Variants in ASIC2 observed in about 807,000 individuals in gnomAD.
The protein encoded by ASIC2 is acid sensing ion channel subunit 2.
In ASIC2, 25 loss-of-function variants were observed where a neutral mutation model predicts 57.3. That is an observed-to-expected ratio of 0.44 (90% CI 0.32 to 0.61). The LOEUF is 0.61. Among genes scored for constraint, ASIC2 ranks in the 20% least tolerant of loss-of-function variants. The probability of loss-of-function intolerance (pLI) is 0.06; values close to 1 mark genes in which losing one functional copy is unlikely to be tolerated. For missense variants in ASIC2, 641 were observed against 738.1 expected (o/e 0.87, Z 1.52); for synonymous variants, 319 against 307.5 (o/e 1.04, Z -0.39).
intron 1 of ASIC2, among the ~76,000 whole-genome samples, chr17:34,126,546 C>G (rs563241963): frequency 6.6e-6 from 1 of 152,282 alleles, no homozygotes; most frequent in South Asian, 2.1e-4. Context: ...GAGAGATGTT[C>G]CCTCTTCTCC....
At chr17:34,027,550 C>A (rs1405221714) in intron 1 of ASIC2, among the ~76,000 whole-genome samples, 1 of 152,198 alleles carries the variant, frequency 6.6e-6, no homozygotes, top group Admixed American at 6.5e-5. Flanking sequence ...TCTCTAGAGG[C>A]CCTAAGAAGT....
At chr17:33,462,120 C>T (rs901339125) in intron 1 of ASIC2, among the ~76,000 whole-genome samples, 5 of 152,164 alleles carry the variant, frequency 3.3e-5, no homozygotes, top group Admixed American at 2.0e-4. Context: ...AGAAGAGGGG[C>T]CAGGCTTTGG....
chr17:33,456,980 G>C (rs1393544090), intron 1 of ASIC2, among the ~76,000 whole-genome samples: 2 of 152,172 alleles, frequency 1.3e-5, no homozygotes, highest in African/African-American at 4.8e-5. Flanking sequence ...GTCAGAAGAG[G>C]ATGGGCTTCA....
At chr17:33,845,106 C>A (rs1444258515) in intron 1 of ASIC2, among the ~76,000 whole-genome samples, 2 of 152,118 alleles carry the variant, frequency 1.3e-5, no homozygotes, top group African/African-American at 4.8e-5. Flanking sequence ...CATAAAGTAC[C>A]TAGGGTTTTA....
At chr17:34,134,131 G>T (rs1426700873) in intron 1 of ASIC2, among the ~76,000 whole-genome samples, 1 of 152,156 alleles carries the variant, frequency 6.6e-6, no homozygotes. Context: ...ATCTGTAATG[G>T]TTAATGCCCC....
At chr17:33,977,357 G>C (rs1038996914) in intron 1 of ASIC2, among the ~76,000 whole-genome samples, 2 of 152,198 alleles carry the variant, frequency 1.3e-5, no homozygotes, top group African/African-American at 4.8e-5. Context: ...GGGCACCTCT[G>C]CCTGCATCGT....
intron 1 of ASIC2, among the ~76,000 whole-genome samples, chr17:33,479,952 G>T (rs1361806460): frequency 1.3e-5 from 2 of 152,074 alleles, no homozygotes; most frequent in African/African-American, 2.4e-5. Flanking sequence ...AATAATAGGG[G>T]TGATCCCCTG....
At chr17:33,237,568 T>A (rs1269032573) in intron 1 of ASIC2, among the ~76,000 whole-genome samples, 1 of 152,126 alleles carries the variant, frequency 6.6e-6, no homozygotes, top group Admixed American at 6.5e-5. Context: ...CAGGCTGGTC[T>A]CGAACTCCCG....
At chr17:33,389,634 GC>G (rs573086750) in intron 1 of ASIC2, among the ~76,000 whole-genome samples, 436 of 152,308 alleles carry the variant, frequency 2.9e-3, no homozygotes, top group African/African-American at 0.01. Context: ...AAGACATCTA[GC>G]CCATTAGTTA....
chr17:33,834,067 C>T (rs1913195859), intron 1 of ASIC2: 1 of 152,166 alleles, frequency 6.6e-6, no homozygotes, highest in African/African-American at 2.4e-5. Context: ...TCTCAATAAA[C>T]AACTAAATAA....
rs574252502 is a variant in ASIC2, at chr17:34,061,017, A to C, written c.555+94961T>G. ...AAAGAACACCTGGGAAATTCATCAC[A>C]AAAAGATCTTCGCCTAGGCACATTG... On this transcript the variant is annotated intron_variant, in intron 1 of 9. Transcript: ENST00000359872. Among the ~76,000 whole-genome samples the C allele has an allele frequency of 1.2e-4, 18 of 152,312 alleles. No homozygotes were observed. In the Middle Eastern group the frequency reaches 0.01, roughly 86 times the overall value.
chr17:33,424,402 G>A (rs915873653), intron 1 of ASIC2, among the ~76,000 whole-genome samples: 3 of 152,198 alleles, frequency 2.0e-5, no homozygotes, highest in Admixed American at 1.3e-4. Context: ...AATATGAAGG[G>A]CAGAAGTTCA....
intron 1 of ASIC2, among the ~76,000 whole-genome samples, chr17:33,564,884 C>T (rs1051886911): frequency 6.6e-6 from 1 of 152,244 alleles, no homozygotes; most frequent in African/African-American, 2.4e-5. Flanking sequence ...TAAGGACATG[C>T]TCCTGCTGCA....
chr17:33,165,701 G>C (rs188858714), intron 1 of ASIC2, among the ~76,000 whole-genome samples: 54 of 152,234 alleles, frequency 3.5e-4, no homozygotes, highest in African/African-American at 1.2e-3. Context: ...TCCAGAGATA[G>C]TAACAAGGAC....
intron 1 of ASIC2, among the ~76,000 whole-genome samples, chr17:33,174,703 G>T (rs1905672401): frequency 6.6e-6 from 1 of 152,302 alleles, no homozygotes; most frequent in South Asian, 2.1e-4. Flanking sequence ...GAAGAGGCAT[G>T]TGTCCCTGCA....
chr17:33,799,427 C>CTTTCTTTCTTTCTTTCTTTCTTCT (rs11439080), intron 1 of ASIC2, among the ~76,000 whole-genome samples: 54 of 84,078 alleles, frequency 6.4e-4, no homozygotes, highest in Middle Eastern at 7.0e-3. Flanking sequence ...TTCTTTCTTT[C>CTTTCTTTCTTTCTTTCTTTCTTCT]TTCTTTCTTT....
chr17:34,104,821 T>TTACGA (rs1555597639), intron 1 of ASIC2, among the ~76,000 whole-genome samples: 60 of 151,888 alleles, frequency 4.0e-4, no homozygotes, highest in African/African-American at 1.4e-3. Context: ...ATTTAATTGG[T>TTACGA]TATAATATTC....
intron 1 of ASIC2, among the ~76,000 whole-genome samples, chr17:33,960,931 A>C (rs1904900056): frequency 6.6e-6 from 1 of 152,192 alleles, no homozygotes; most frequent in Non-Finnish European, 1.5e-5. Flanking sequence ...ACATGAATAG[A>C]GACCCAACAA....
intron 1 of ASIC2, among the ~76,000 whole-genome samples, chr17:33,741,355 A>G (rs1261341362): frequency 6.6e-6 from 1 of 152,182 alleles, no homozygotes; most frequent in Admixed American, 6.5e-5. Flanking sequence ...TGAGAATTTC[A>G]ATACCCATTA....
Sources: allele counts gnomAD v4.1 joint callset (sites outside exome capture counted in the v4.1 genomes callset), GRCh38; gene constraint gnomAD v4.1.1; transcripts MANE v1.5; gene names NCBI Gene and HGNC (gene_info 2026-07-23, HGNC 2026-07-21).